SSBP3: variants seen among roughly 807,000 people sequenced by gnomAD.
SSBP3 encodes single-stranded DNA-binding protein 3.
In SSBP3, 5 loss-of-function variants were observed where a neutral mutation model predicts 69.6. That is an observed-to-expected ratio of 0.07 (90% confidence interval 0.04 to 0.15). SSBP3 has a LOEUF of 0.15. Ranked by LOEUF, SSBP3 falls within the 10% of genes least tolerant of loss-of-function variation. The pLI is 1.00. For missense variants in SSBP3, 312 were observed against 534.0 expected (o/e 0.58, Z 4.10); for synonymous variants, 196 against 193.4 (o/e 1.01, Z -0.11).
chr1:54,327,271 A>AGGAAGGAAGG (rs1553139345), intron 4 of SSBP3, among the ~76,000 whole-genome samples: 9 of 151,184 alleles, frequency 6.0e-5, no homozygotes, highest in South Asian at 2.1e-4. Context: ...GAAGGAAGGA[A>AGGAAGGAAGG]AACAACAACA....
intron 5 of SSBP3, among the ~76,000 whole-genome samples, chr1:54,273,166 C>A (rs1249387824): frequency 2.6e-5 from 4 of 152,256 alleles, no homozygotes; most frequent in Non-Finnish European, 5.9e-5. Context: ...CAGGCGCTGC[C>A]TGCTGATGCA....
chr1:54,227,021 G>A lies in SSBP3; in HGVS notation c.*110C>T, dbSNP rs989779147. On this transcript the variant is annotated 3_prime_UTR_variant, in exon 18 of 18. Coordinates refer to ENST00000610401, the Ensembl canonical transcript of SSBP3. ...GTGGGAGGGGGTTGAGGGGAGCAGG[G>A]AGATGCCCTCCCCACCAGCTCCTGG... 118 of 903,476 alleles carry A rather than the reference G, an allele frequency of 1.3e-4. 1 individual carries two copies. The highest frequency in any genetic ancestry group is 2.0e-4 in the Non-Finnish European group (108 of 534,722). The allele number at this position is 903,476 out of a possible 1,614,324, so 56.0% of individuals were successfully genotyped here.
intron 4 of SSBP3, among the ~76,000 whole-genome samples, chr1:54,341,587 A>T (rs1231177149): frequency 6.6e-6 from 1 of 152,164 alleles, no homozygotes; most frequent in Non-Finnish European, 1.5e-5. Context: ...TGAACAGGAC[A>T]GTAAAGAGGA....
At chr1:54,305,045 A>C (rs936413580) in intron 4 of SSBP3, among the ~76,000 whole-genome samples, 1 of 152,186 alleles carries the variant, frequency 6.6e-6, no homozygotes, top group Non-Finnish European at 1.5e-5. Flanking sequence ...GAGATTTACC[A>C]TAACCAGAGA....
At chr1:54,277,834 C>A (rs1476931487) in intron 5 of SSBP3, among the ~76,000 whole-genome samples, 3 of 152,100 alleles carry the variant, frequency 2.0e-5, no homozygotes, top group Non-Finnish European at 4.4e-5. Flanking sequence ...CAGTGTCCCC[C>A]TTAAGGGGGA....
intron 5 of SSBP3, among the ~76,000 whole-genome samples, chr1:54,274,013 G>A (rs1645241654): frequency 6.6e-6 from 1 of 152,240 alleles, no homozygotes; most frequent in African/African-American, 2.4e-5. Flanking sequence ...GCAGGGCGGA[G>A]GAGCTGGAGG....
rs570789045 is a variant in SSBP3, at chr1:54,382,259, C to T, written c.276+19602G>A. ...TTTTATTTTTATTTCTTATTTTTTACAGACAGGGTCTCACTATGTTGCCCA... is the reference window on the plus strand; with the variant it reads ...TTTTATTTTTATTTCTTATTTTTTATAGACAGGGTCTCACTATGTTGCCCA... On this transcript the variant is annotated intron_variant, in intron 4 of 17. Coordinates refer to ENST00000610401, the Ensembl canonical transcript of SSBP3. 2.0e-5 allele frequency among the ~76,000 whole-genome samples: 3 copies of T among 152,272 alleles called. No homozygotes were observed. In the South Asian group the frequency reaches 6.2e-4, roughly 32 times the overall value.
At chr1:54,398,177 G>A (rs1649030217) in intron 4 of SSBP3, among the ~76,000 whole-genome samples, 1 of 152,134 alleles carries the variant, frequency 6.6e-6, no homozygotes, top group Non-Finnish European at 1.5e-5. Context: ...AAACTCTAGG[G>A]TTCAGTTTCC....
intron 4 of SSBP3, among the ~76,000 whole-genome samples, chr1:54,385,723 C>G (rs1330077165): frequency 6.6e-6 from 1 of 152,212 alleles, no homozygotes; most frequent in Non-Finnish European, 1.5e-5. Flanking sequence ...TATCTTCTAA[C>G]ATGCTCTGCT....
exon 18 of SSBP3, chr1:54,227,127 G>T: frequency 6.4e-7 from 1 of 1,553,232 alleles, no homozygotes; most frequent in Non-Finnish European, 8.8e-7. Context: ...CGGAGAAGGG[G>T]GGATCACACA....
In SSBP3 at chr1:54,249,221, G is replaced by A. The variant is rs1478035125; in HGVS notation, c.651+2395C>T. 2.0e-5 allele frequency among the ~76,000 whole-genome samples: 3 copies of A among 152,206 alleles called. No homozygotes were observed. In the East Asian group the frequency reaches 5.8e-4, roughly 29 times the overall value. Reference sequence around the variant, plus strand: ...TCTGTTCCCAGCCTTTAGAATCTCAGTGTTACGATGGTCCTAACAAACTGT... The same window carrying A: ...TCTGTTCCCAGCCTTTAGAATCTCAATGTTACGATGGTCCTAACAAACTGT... On this transcript the variant is annotated intron_variant, in intron 9 of 17. Coordinates refer to ENST00000610401, the Ensembl canonical transcript of SSBP3.
chr1:54,300,662 G>A (rs1471376006), intron 4 of SSBP3, among the ~76,000 whole-genome samples: 1 of 152,152 alleles, frequency 6.6e-6, no homozygotes, highest in Non-Finnish European at 1.5e-5. Context: ...TTCTCTAATT[G>A]TTCCACATGT....
In SSBP3 at chr1:54,386,498, G is replaced by A. The variant is rs905839907; in HGVS notation, c.276+15363C>T. ...GCCCTTGGCTGGAAGCAGCTCAGGT[G>A]TTCTCACCCCCAGTTCCAAGGTTGC... On this transcript the variant is annotated intron_variant, in intron 4 of 17. Transcript: ENST00000610401. 7.0e-4 allele frequency among the ~76,000 whole-genome samples: 107 copies of A among 152,082 alleles called. 1 individual carries two copies. Among genetic ancestry groups the A allele is most frequent in the African/African-American group, 2.5e-3 (102 of 41,482 alleles).
At chr1:54,228,890 A>C in intron 14 of SSBP3, 64 bp from the exon 15 acceptor site, 1 of 1,532,846 alleles carries the variant, frequency 6.5e-7, no homozygotes, top group Non-Finnish European at 8.9e-7. Context: ...CCTCACAGGC[A>C]GGGGGCTGCA....
intron 4 of SSBP3, among the ~76,000 whole-genome samples, chr1:54,369,281 C>T (rs1159969035): frequency 8.4e-6 from 1 of 118,648 alleles, no homozygotes; most frequent in African/African-American, 3.7e-5. Context: ...CTTATTCCCG[C>T]AGAGGCTCCA....
chr1:54,331,094 G>T (rs1556528), intron 4 of SSBP3, among the ~76,000 whole-genome samples: 3 of 152,024 alleles, frequency 2.0e-5, no homozygotes, highest in African/African-American at 7.3e-5. Context: ...AGAAATAAAG[G>T]TTTATACATG....
chr1:54,240,085 TGTGCGCGCGCGC>T (rs1353094426), intron 13 of SSBP3, among the ~76,000 whole-genome samples: 1 of 38,538 alleles, frequency 2.6e-5, no homozygotes, highest in Non-Finnish European at 6.1e-5. Flanking sequence ...TGTGTGTGTG[TGTGCGCGCGCGC>T]GCGTGTGCGT....
intron 14 of SSBP3, among the ~76,000 whole-genome samples, chr1:54,229,508 T>A (rs1194377832): frequency 1.3e-5 from 2 of 151,708 alleles, no homozygotes; most frequent in African/African-American, 4.9e-5. Context: ...GACTGTGGGG[T>A]GGTGGCAGGA....
chr1:54,231,299 A>AGC (rs1644375458), intron 14 of SSBP3, among the ~76,000 whole-genome samples: 1 of 152,222 alleles, frequency 6.6e-6, no homozygotes, highest in Non-Finnish European at 1.5e-5. Context: ...AACGATGCTG[A>AGC]GCATCTTCTC....
Sources: allele counts gnomAD v4.1 joint callset (sites outside exome capture counted in the v4.1 genomes callset), GRCh38; gene constraint gnomAD v4.1.1; transcripts MANE v1.5; gene names NCBI Gene and HGNC (gene_info 2026-07-23, HGNC 2026-07-21).